FMN1: variants seen among roughly 807,000 people sequenced by gnomAD.
FMN1 encodes formin-1.
FMN1 carries 110 observed loss-of-function variants against 132.4 expected under a neutral mutation model. The ratio of observed to expected loss-of-function variants is 0.83; its 90% confidence interval spans 0.71 to 0.97. The LOEUF (loss-of-function observed/expected upper bound fraction) is 0.97. Ranked by LOEUF, FMN1 falls within the 50% of genes least tolerant of loss-of-function variation. The pLI, the probability that FMN1 is intolerant of heterozygous loss-of-function variation, is 0.00. For missense variants in FMN1, 1,792 were observed against 1,705.3 expected (o/e 1.05, Z -0.90); for synonymous variants, 722 against 651.7 (o/e 1.11, Z -1.64).
chr15:32,974,076 G>C (rs753660729), intron 7 of FMN1, among the ~76,000 whole-genome samples: 3 of 152,260 alleles, frequency 2.0e-5, no homozygotes, highest in Middle Eastern at 3.4e-3. Flanking sequence ...ATAATGCCAG[G>C]TCAAGGAAAC....
In FMN1 at chr15:32,968,986, A is replaced by T; in HGVS notation, c.2715T>A (p.Pro905=). The T allele has an allele frequency of 1.0e-6, 1 of 994,688 alleles. No homozygotes were observed. Among genetic ancestry groups the T allele is most frequent in the Admixed American group, 2.5e-5 (1 of 39,944 alleles). The allele number at this position is 994,688 out of a possible 1,614,324, so 61.6% of individuals were successfully genotyped here. Residue 905 remains proline (P), a synonymous_variant, in exon 8 of 21, where the codon CCT becomes CCA. Transcript: ENST00000616417. ...GTAGAGGTGGCGGTGGAGGAGGCGG[A>T]GGTGGTAGCGGTGGCCCAGCACTCA... ...PPVSAGPPLP[P]PPPPPPPLPP...
intron 6 of FMN1, among the ~76,000 whole-genome samples, chr15:33,028,187 G>A (rs1336666952): frequency 2.0e-5 from 3 of 152,166 alleles, no homozygotes; most frequent in East Asian, 1.9e-4. Context: ...GTTAGGAGCT[G>A]GAATTTTTAA....
intron 5 of FMN1, among the ~76,000 whole-genome samples, chr15:33,086,234 G>C (rs1391287376): frequency 7.0e-6 from 1 of 143,820 alleles, no homozygotes; most frequent in Non-Finnish European, 1.5e-5. Context: ...CTGAGCGACA[G>C]AGCAAGACTC....
intron 12 of FMN1, among the ~76,000 whole-genome samples, chr15:32,904,962 C>CCTTG (rs1021173263): frequency 3.3e-5 from 5 of 152,164 alleles, no homozygotes; most frequent in African/African-American, 1.2e-4. Context: ...GGACACTGGG[C>CCTTG]CTTGGTACTT....
chr15:32,894,320 G>A (rs7165928), intron 15 of FMN1, among the ~76,000 whole-genome samples: 32,735 of 151,644 alleles, frequency 0.22, 3,664 homozygotes, highest in East Asian at 0.32. Flanking sequence ...CCCCGTTTCT[G>A]CTAAAAATAC....
chr15:32,791,170 A>G (rs1163413629), intron 19 of FMN1, among the ~76,000 whole-genome samples: 4 of 152,072 alleles, frequency 2.6e-5, no homozygotes, highest in African/African-American at 9.6e-5. Flanking sequence ...ATGAGGCTAA[A>G]GAGTGAGTTT....
chr15:32,893,882 G>A (rs542664170), intron 15 of FMN1, among the ~76,000 whole-genome samples: 6 of 152,306 alleles, frequency 3.9e-5, no homozygotes, highest in African/African-American at 1.4e-4. Context: ...ATTTGACTTG[G>A]TTGGGGTAGG....
chr15:33,085,961 A>C (rs144501194), intron 5 of FMN1, among the ~76,000 whole-genome samples: 398 of 152,292 alleles, frequency 2.6e-3, no homozygotes, highest in African/African-American at 9.2e-3. Context: ...TTTGAAAGAG[A>C]GAGGAGGAGA....
chr15:32,887,499 C>A (rs1289125094), intron 16 of FMN1, among the ~76,000 whole-genome samples: 5 of 152,166 alleles, frequency 3.3e-5, no homozygotes, highest in Non-Finnish European at 1.5e-5. Context: ...GGGCTTTCAG[C>A]ATTTTCTTTT....
chr15:32,971,235 TGTTA>T (rs1567487138), intron 7 of FMN1, among the ~76,000 whole-genome samples: 1 of 152,270 alleles, frequency 6.6e-6, no homozygotes, highest in Non-Finnish European at 1.5e-5. Context: ...TAAATCTTAC[TGTTA>T]GTTTCTGTTG....
chr15:33,086,833 C>G (rs1253038951), intron 5 of FMN1, among the ~76,000 whole-genome samples: 1 of 152,182 alleles, frequency 6.6e-6, no homozygotes, highest in African/African-American at 2.4e-5. Flanking sequence ...TCTAAACCTC[C>G]TTTTGTAATA....
chr15:32,968,961 G>A lies in FMN1; in HGVS notation c.2740C>T (p.Pro914Ser). 1 of 924,414 alleles carries A rather than the reference G, an allele frequency of 1.1e-6. No individual in the cohort carries two copies. Among genetic ancestry groups the A allele is most frequent in the Non-Finnish European group, 1.7e-6 (1 of 605,128 alleles). The allele number at this position is 924,414 out of a possible 1,614,324, so 57.3% of individuals were successfully genotyped here. The change falls in exon 8 of 21, where the codon CCT becomes TCT. Residue 914 changes from proline (P) to serine (S), a missense_variant. Transcript: ENST00000616417. ...PPPPPPPPPL[P>S]PPSSAGPPPP... ...GGAGGTCCAGCACTTGAAGGTGGAG[G>A]TAGAGGTGGCGGTGGAGGAGGCGGA... is the stretch of plus-strand genomic sequence containing the variant.
Position 32,798,460 on chromosome 15 carries a change from T to C in FMN1, c.4130+344A>G, listed in dbSNP as rs75903638. Among the ~76,000 whole-genome samples the C allele has an allele frequency of 3.6e-3, 544 of 152,346 alleles. 4 individuals carry two copies. The highest frequency in any genetic ancestry group is 6.0e-3 in the Non-Finnish European group (408 of 68,030). ...AGCATTCACTTTTATTTGTCTATAC[T>C]GTCTGCGACAGCAAGGCTGCCTCAT... On this transcript the variant is annotated intron_variant, in intron 19 of 20. Transcript: ENST00000616417.
At chr15:33,138,273 G>A (rs970802858) in intron 4 of FMN1, among the ~76,000 whole-genome samples, 5 of 152,266 alleles carry the variant, frequency 3.3e-5, no homozygotes, top group Middle Eastern at 3.4e-3. Context: ...GATTTCTATC[G>A]AGTAACCTAA....
chr15:33,091,263 G>A (rs1006142363), intron 4 of FMN1, among the ~76,000 whole-genome samples: 7 of 152,054 alleles, frequency 4.6e-5, no homozygotes, highest in Non-Finnish European at 1.0e-4. Flanking sequence ...AAGGATTTGG[G>A]GTCCTTGAAA....
intron 7 of FMN1, among the ~76,000 whole-genome samples, chr15:32,996,108 T>C (rs540895497): frequency 4.6e-5 from 7 of 152,336 alleles, no homozygotes; most frequent in Admixed American, 4.6e-4. Context: ...AGATAGGTCA[T>C]CTACCACATG....
intron 6 of FMN1, among the ~76,000 whole-genome samples, chr15:33,041,461 C>G: frequency 9.7e-6 from 1 of 103,444 alleles, no homozygotes; most frequent in Non-Finnish European, 2.0e-5. Flanking sequence ...TTCGACGTTC[C>G]TCACCAGTAA....
At chr15:32,945,228 G>C (rs752459251) in intron 9 of FMN1, among the ~76,000 whole-genome samples, 1 of 152,094 alleles carries the variant, frequency 6.6e-6, no homozygotes, top group Non-Finnish European at 1.5e-5. Context: ...CCAATACATA[G>C]ATATATGTAT....
intron 4 of FMN1, among the ~76,000 whole-genome samples, chr15:33,117,545 A>G (rs992250203): frequency 1.3e-5 from 2 of 152,232 alleles, no homozygotes; most frequent in East Asian, 3.8e-4. Context: ...CTACGGATTA[A>G]GCTGAATGTT....
Sources: gnomAD v4.1 joint callset for allele counts (sites outside exome capture counted in the v4.1 genomes callset) on GRCh38, gnomAD v4.1.1 for gene constraint, MANE v1.5 for transcripts, NCBI Gene and HGNC (gene_info 2026-07-23, HGNC 2026-07-21) for gene names.